Variants in TTC28 observed in about 807,000 individuals in gnomAD.
TTC28 encodes tetratricopeptide repeat domain 28.
In TTC28, 61 loss-of-function variants were observed where a neutral mutation model predicts 198.0. The ratio of observed to expected loss-of-function variants is 0.31; its 90% CI spans 0.25 to 0.38. TTC28 has a LOEUF of 0.38. Ranked by LOEUF, TTC28 falls within the 10% of genes least tolerant of loss-of-function variation. TTC28 has a pLI of 1.00. For missense variants in TTC28, 2,678 were observed against 3,164.0 expected (o/e 0.85, Z 3.69); for synonymous variants, 1,171 against 1,297.8 (o/e 0.90, Z 2.10).
At chr22:28,657,803 T>C (rs1161990593) in intron 1 of TTC28, among the ~76,000 whole-genome samples, 1 of 152,014 alleles carries the variant, frequency 6.6e-6, no homozygotes, top group Non-Finnish European at 1.5e-5. Context: ...CGCTTGAACC[T>C]GGGAGGCAGA....
At chr22:28,585,531 G>A (rs968357727) in intron 2 of TTC28, among the ~76,000 whole-genome samples, 3 of 152,118 alleles carry the variant, frequency 2.0e-5, no homozygotes, top group Non-Finnish European at 4.4e-5. Context: ...ATGAAGCTTC[G>A]CCCACCGCTC....
intron 2 of TTC28, among the ~76,000 whole-genome samples, chr22:28,392,366 C>T (rs1438371987): frequency 6.6e-6 from 1 of 152,178 alleles, no homozygotes; most frequent in Non-Finnish European, 1.5e-5. Context: ...GTGGTGGGCT[C>T]CACCCAGTTC....
chr22:28,161,817 G>C (rs1479272150), intron 6 of TTC28, among the ~76,000 whole-genome samples: 1 of 146,672 alleles, frequency 6.8e-6, no homozygotes, highest in African/African-American at 2.5e-5. Context: ...AGGGAAGGAG[G>C]GAAGGAGGGA....
rs757777802 is a variant in TTC28 at position 27,993,370 on chromosome 22, C to T, written c.5393G>A (p.Gly1798Asp). Reference sequence around the variant, plus strand: ...TGGGAAGAAGACAGCCGCTGGCAGGCCACTGGTTGGGGGGTCCAGCCGGAA... The same window carrying T: ...TGGGAAGAAGACAGCCGCTGGCAGGTCACTGGTTGGGGGGTCCAGCCGGAA... ...VGFRLDPPTS[G>D]LPAAVFFPTS... Residue 1798 changes from glycine to aspartate, a missense_variant, in exon 18 of 23, where the codon GGC becomes GAC. Transcript: ENST00000397906. 9.0e-6 allele frequency: 14 copies of T among 1,550,860 alleles called. No homozygotes were observed. In the South Asian group the frequency reaches 1.5e-4, roughly 17 times the overall value.
At chr22:28,396,143 A>C (rs1601335607) in intron 2 of TTC28, among the ~76,000 whole-genome samples, 1 of 152,234 alleles carries the variant, frequency 6.6e-6, no homozygotes, top group East Asian at 1.9e-4. Context: ...GTCTAAAAGA[A>C]AAACTTGACT....
chr22:28,125,029 A>C (rs141913820), intron 6 of TTC28, among the ~76,000 whole-genome samples: 2 of 152,320 alleles, frequency 1.3e-5, no homozygotes, highest in East Asian at 3.9e-4. Flanking sequence ...CCCTAGAAAA[A>C]TAATAGTGGC....
chr22:28,129,184 T>A (rs1942996188), intron 6 of TTC28, among the ~76,000 whole-genome samples: 1 of 152,172 alleles, frequency 6.6e-6, no homozygotes, highest in Non-Finnish European at 1.5e-5. Context: ...GGGAGGCAGA[T>A]GAACTGTTCC....
At chr22:27,991,604 A>G (rs1318779616) in intron 19 of TTC28, among the ~76,000 whole-genome samples, 1 of 152,176 alleles carries the variant, frequency 6.6e-6, no homozygotes, top group Non-Finnish European at 1.5e-5. Context: ...TTGCTGGCAA[A>G]TATCTCTAAT....
At chr22:28,504,423 C>T (rs1487814651) in intron 2 of TTC28, among the ~76,000 whole-genome samples, 1 of 151,932 alleles carries the variant, frequency 6.6e-6, no homozygotes, top group East Asian at 1.9e-4. Flanking sequence ...CACATATATA[C>T]ATACATACAC....
chr22:28,193,675 T>C (rs922079354), intron 5 of TTC28, among the ~76,000 whole-genome samples: 4 of 151,916 alleles, frequency 2.6e-5, no homozygotes, highest in Non-Finnish European at 4.4e-5. Context: ...CAACAAAGAT[T>C]GAAAGACACA....
At chr22:28,056,068 A>C (rs1940275638) in intron 12 of TTC28, 1 of 152,220 alleles carries the variant, frequency 6.6e-6, no homozygotes, top group Non-Finnish European at 1.5e-5. Context: ...TTACAGTGAA[A>C]AGTGAAACAT....
chr22:28,357,751 C>T (rs2046100597), intron 2 of TTC28, among the ~76,000 whole-genome samples: 1 of 152,116 alleles, frequency 6.6e-6, no homozygotes, highest in African/African-American at 2.4e-5. Flanking sequence ...AGTTAGTTTT[C>T]TTCCCCAGTG....
At chr22:28,526,569 G>C (rs1057346465) in intron 2 of TTC28, among the ~76,000 whole-genome samples, 3 of 152,122 alleles carry the variant, frequency 2.0e-5, no homozygotes, top group Admixed American at 6.6e-5. Flanking sequence ...AACCTAAGTA[G>C]AACGCCCACA....
intron 5 of TTC28, among the ~76,000 whole-genome samples, chr22:28,191,486 C>T (rs576358473): frequency 5.9e-5 from 9 of 152,314 alleles, no homozygotes; most frequent in Non-Finnish European, 1.0e-4. Context: ...GGAGGCAGGG[C>T]GAGGCATCGC....
intron 2 of TTC28, among the ~76,000 whole-genome samples, chr22:28,558,565 C>A (rs942865370): frequency 1.3e-5 from 2 of 151,964 alleles, no homozygotes; most frequent in African/African-American, 2.4e-5. Flanking sequence ...ATCCCAGCTA[C>A]TTGGGATGCT....
chr22:28,326,169 T>C (rs779936244), intron 2 of TTC28, among the ~76,000 whole-genome samples: 3 of 152,084 alleles, frequency 2.0e-5, no homozygotes, highest in Non-Finnish European at 4.4e-5. Context: ...AACAAAACTA[T>C]TGATGCATGT....
intron 5 of TTC28, among the ~76,000 whole-genome samples, chr22:28,282,986 A>G (rs1266084498): frequency 6.6e-6 from 1 of 152,182 alleles, no homozygotes; most frequent in African/African-American, 2.4e-5. Flanking sequence ...AGAGCTTTTT[A>G]TAACTCACTA....
At chr22:28,414,638 A>C (rs998060872) in intron 2 of TTC28, among the ~76,000 whole-genome samples, 1 of 152,244 alleles carries the variant, frequency 6.6e-6, no homozygotes, top group African/African-American at 2.4e-5. Context: ...AAGCATTTAC[A>C]TTAGTGAGTG....
intron 2 of TTC28, among the ~76,000 whole-genome samples, chr22:28,375,728 A>C (rs1257964252): frequency 1.3e-5 from 2 of 152,206 alleles, no homozygotes; most frequent in African/African-American, 4.8e-5. Context: ...TTGGCAGGTA[A>C]GTCAGTGGAC....
Sources: allele counts gnomAD v4.1 joint callset (sites outside exome capture counted in the v4.1 genomes callset), GRCh38; gene constraint gnomAD v4.1.1; transcripts MANE v1.5; gene names NCBI Gene and HGNC (gene_info 2026-07-23, HGNC 2026-07-21).